GATA5: variants seen among roughly 807,000 people sequenced by gnomAD.
GATA5 encodes GATA binding protein 5, also known as transcription factor GATA-5.
GATA5 carries 27 observed loss-of-function variants against 35.0 expected under a neutral mutation model. The observed-to-expected ratio is 0.77, with a 90% CI of 0.57 to 1.06. The LOEUF is 1.06. Ranked by LOEUF, GATA5 falls within the 50% of genes least tolerant of loss-of-function variation. The pLI, the probability that GATA5 is intolerant of heterozygous loss-of-function variation, is 0.00. For synonymous variants in GATA5, 306 were observed against 267.8 expected (o/e 1.14, Z -1.39); for missense variants, 612 against 580.0 (o/e 1.06, Z -0.57).
intron 3 of GATA5, 145 bp from the exon 4 acceptor site, chr20:62,466,696 C>A: frequency 1.1e-6 from 1 of 910,504 alleles, no homozygotes; most frequent in Non-Finnish European, 1.6e-6. Flanking sequence ...CGCCTGGCAG[C>A]TCTGCCTGGA....
In GATA5 at chr20:62,470,519, G is replaced by A. The variant is rs994944567; in HGVS notation, c.699+2884C>T. 2.6e-5 allele frequency among the ~76,000 whole-genome samples: 4 copies of A among 152,188 alleles called. No individual in the cohort carries two copies. The highest frequency in any genetic ancestry group is 1.9e-4 in the East Asian group (1 of 5,192). On this transcript the variant is annotated intron_variant, in intron 3 of 6. Transcript: ENST00000252997. The surrounding 1 kb of genome is among the most constrained non-coding windows in gnomAD (Gnocchi z 4.6). Reference sequence around the variant, plus strand: ...GCCGAGGACAAACTGACTTGGGGACGTGGGTCTGTGAAGGGCTCGAAGGAA... The same window carrying A: ...GCCGAGGACAAACTGACTTGGGGACATGGGTCTGTGAAGGGCTCGAAGGAA...
intron 3 of GATA5, among the ~76,000 whole-genome samples, chr20:62,469,834 G>C (rs963779710): frequency 2.0e-5 from 3 of 152,212 alleles, no homozygotes; most frequent in Admixed American, 2.0e-4. Context: ...GAGGAGCTGC[G>C]GGACCAGAGG....
At position 62,466,545 on chromosome 20, in the gene GATA5, A is replaced by C; in HGVS notation, c.706T>G (p.Ser236Ala). The C allele has an allele frequency of 6.4e-7, 1 of 1,551,170 alleles. No homozygotes were observed. Among genetic ancestry groups the C allele is most frequent in the South Asian group, 1.2e-5 (1 of 84,256 alleles). ...LVRPQKRLSSSRRAGLCCTNC... is the reference protein window; with the variant it reads ...LVRPQKRLSSARRAGLCCTNC... ...GTGCAGCAGAGGCCGGCGCGGCGGG[A>C]CGAGGACTGTGGGGGCGAGGGAGAC... Residue 236 changes from serine (S) to alanine (A), a missense_variant, in exon 4 of 7, where the codon TCC (serine) becomes GCC (alanine). Physicochemically the swap from Ser to Ala is moderately conservative, Grantham distance 99. Coordinates refer to ENST00000252997, the MANE Select transcript of GATA5 (RefSeq NM_080473.5).
chr20:62,464,612 T>C lies in GATA5; in HGVS notation c.*224A>G. 2.3e-6 allele frequency: 1 copy of C among 437,940 alleles called. No homozygotes were observed. The highest frequency in any genetic ancestry group is 4.0e-6 in the Non-Finnish European group (1 of 250,010). 27.1% of individuals were successfully genotyped at this position (437,940 alleles called of 1,614,324 possible). ...CACCTGGGGAGTCCCTTGCTGTACG[T>C]GGGGTGGGAAGCTGAGCCCTTCCCT... is the stretch of plus-strand genomic sequence containing the variant. On this transcript the variant is annotated 3_prime_UTR_variant, in exon 7 of 7. Coordinates refer to ENST00000252997, the MANE Select transcript of GATA5 (RefSeq NM_080473.5).
intron 3 of GATA5, among the ~76,000 whole-genome samples, chr20:62,472,089 C>T (rs1555896626): frequency 6.6e-6 from 1 of 152,080 alleles, no homozygotes; most frequent in African/African-American, 2.4e-5. Flanking sequence ...TCAGTGAGGG[C>T]CACGTGGACG....
At chr20:62,469,453 C>T (rs1989670836) in intron 3 of GATA5, among the ~76,000 whole-genome samples, 1 of 152,234 alleles carries the variant, frequency 6.6e-6, no homozygotes. Context: ...GCCATCACCC[C>T]TTAGCACACA....
chr20:62,466,537 G>A lies in GATA5; in HGVS notation c.714C>T (p.Arg238=), dbSNP rs1452062094. 1.9e-6 allele frequency: 3 copies of A among 1,553,040 alleles called. No homozygotes were observed. The highest frequency in any genetic ancestry group is 2.7e-5 in the African/African-American group (2 of 73,384). The change falls in exon 4 of 7, where the codon CGC becomes CGT. Residue 238 remains arginine, a synonymous_variant. Transcript: ENST00000252997. ...RPQKRLSSSR[R]AGLCCTNCHT... ...GGCAGTTGGTGCAGCAGAGGCCGGC[G>A]CGGCGGGACGAGGACTGTGGGGGCG...
At chr20:62,467,731 GC>G (rs1323704464) in intron 3 of GATA5, among the ~76,000 whole-genome samples, 1 of 152,226 alleles carries the variant, frequency 6.6e-6, no homozygotes, top group Admixed American at 6.5e-5. Flanking sequence ...ATGAGAATGG[GC>G]CCCCCACACT....
Position 62,470,274 on chromosome 20 carries a change from C to T in GATA5, c.699+3129G>A, listed in dbSNP as rs539332917. Among the ~76,000 whole-genome samples the T allele has an allele frequency of 8.5e-4, 130 of 152,270 alleles. No individual in the cohort carries two copies. The highest frequency in any genetic ancestry group is 6.2e-3 in the South Asian group (30 of 4,826). ...GCTTGGAGGGATGAAGCGCACACGCCGGGAAACACTTTGGAGTAAAGGTGC... is the reference window on the plus strand; with the variant it reads ...GCTTGGAGGGATGAAGCGCACACGCTGGGAAACACTTTGGAGTAAAGGTGC... On this transcript the variant is annotated intron_variant, in intron 3 of 6. Coordinates refer to ENST00000252997, the MANE Select transcript of GATA5 (RefSeq NM_080473.5). This position sits in a 1 kb window ranked among gnomAD's most constrained non-coding sequence, Gnocchi z 4.6.
chr20:62,473,500 C>CGCCA lies in GATA5; in HGVS notation c.598_601dup (p.Arg201LeufsTer122). 1 of 1,609,646 alleles carries CGCCA rather than the reference C, an allele frequency of 6.2e-7. No homozygotes were observed. The highest frequency in any genetic ancestry group is 8.5e-7 in the Non-Finnish European group (1 of 1,178,534). Reference sequence around the variant, plus strand: ...CAGGTAGTGGCCGGTGCCGTCTCGGCGCCACAGCGGTGTGGACAGGGCCCC... The same window carrying CGCCA: ...CAGGTAGTGGCCGGTGCCGTCTCGGCGCCAGCCACAGCGGTGTGGACAGGGCCCC... On this transcript the variant is annotated frameshift_variant, in exon 3 of 7. Coordinates refer to ENST00000252997, the MANE Select transcript of GATA5 (RefSeq NM_080473.5). LOFTEE classifies it high-confidence loss of function.
intron 3 of GATA5, among the ~76,000 whole-genome samples, chr20:62,466,947 A>G (rs4073469): frequency 0.64 from 96,607 of 152,134 alleles, 30,941 homozygotes; most frequent in Middle Eastern, 0.7. Flanking sequence ...CCGGAGGCCA[A>G]GACACAACAA....
Position 62,465,890 on chromosome 20 carries a change from C to G in GATA5, c.857G>C (p.Ser286Thr), listed in dbSNP as rs1555896035. Residue 286 changes from serine (S) to threonine (T), a missense_variant, in exon 5 of 7, where the codon AGC (serine) becomes ACC (threonine). Transcript: ENST00000252997. Reference protein sequence around the residue: ...VPRPLAMKKESIQTRKRKPKT... With the variant: ...VPRPLAMKKETIQTRKRKPKT... ...TGGCTTCCGCTTCCGTGTCTGGATG[C>G]TTTCCTTCTTCATAGCCAGAGGCCG... The G allele has an allele frequency of 4.4e-6, 7 of 1,598,786 alleles. No homozygotes were observed. In the Admixed American group the frequency reaches 6.9e-5, roughly 16 times the overall value.
chr20:62,465,781 C>A (rs1989569103), intron 5 of GATA5, 53 bp downstream of exon 5: 1 of 1,352,382 alleles, frequency 7.4e-7, no homozygotes, highest in Admixed American at 2.0e-5. Context: ...GAACTGGAGG[C>A]ACCGAAGGCC....
intron 2 of GATA5, among the ~76,000 whole-genome samples, chr20:62,474,188 G>A (rs1989793221): frequency 6.6e-6 from 1 of 152,234 alleles, no homozygotes; most frequent in Non-Finnish European, 1.5e-5. Context: ...CCCTGGGGCC[G>A]GGCTTCGCAC....
rs571501911 is a variant in GATA5, at chr20:62,465,797, G to A, written c.913+37C>T. The A allele has an allele frequency of 1.9e-5, 29 of 1,499,526 alleles. No individual in the cohort carries two copies. The African/African-American group carries it at 2.5e-4, about 13-fold the overall frequency. 92.9% of individuals were successfully genotyped at this position (1,499,526 alleles called of 1,614,324 possible). A position where few individuals can be genotyped will look rare whatever the true frequency, so the allele number is the denominator to read the frequency against. ...AACTGGAGGCACCGAAGGCCACTCC[G>A]CAGGAGCGGGGCTGACTGCAGGGCC... On this transcript the variant is annotated intron_variant, in intron 5 of 6. Transcript: ENST00000252997.
At chr20:62,465,722 G>T (rs1989568176) in intron 5 of GATA5, 112 bp downstream of exon 5, 2 of 953,754 alleles carry the variant, frequency 2.1e-6, no homozygotes, top group Non-Finnish European at 3.2e-6. Flanking sequence ...GGGGCATTTG[G>T]ACTTCCAGAG....
In GATA5 at chr20:62,475,077, C is replaced by A; in HGVS notation, c.445G>T (p.Asp149Tyr). The change falls in exon 2 of 7, where the codon GAC becomes TAC. Residue 149 changes from aspartate to tyrosine, a missense_variant. Physicochemically the swap from Asp to Tyr is radical, Grantham distance 160. Coordinates refer to ENST00000252997, the MANE Select transcript of GATA5 (RefSeq NM_080473.5). Reference sequence around the variant, plus strand: ...CCGGCAGTCCAGGACTGGGCCACGTCGGGGCTCACGTAGGCCGGGTAGGTG... The same window carrying A: ...CCGGCAGTCCAGGACTGGGCCACGTAGGGGCTCACGTAGGCCGGGTAGGTG... ...SATYPAYVSP[D>Y]VAQSWTAGPF... The A allele has an allele frequency of 2.1e-6, 3 of 1,408,900 alleles. No homozygotes were observed. Among genetic ancestry groups the A allele is most frequent in the Non-Finnish European group, 2.8e-6 (3 of 1,077,772 alleles). The allele number at this position is 1,408,900 out of a possible 1,614,324, so 87.3% of individuals were successfully genotyped here.
At chr20:62,473,599 T>C (rs1555896803) in intron 2 of GATA5, 21 bp from the exon 3 acceptor site, 3 of 1,566,750 alleles carry the variant, frequency 1.9e-6, no homozygotes. Flanking sequence ...AGGCAGCTGG[T>C]GGGCCCGGGC....
chr20:62,466,053 G>A (rs2146480845), intron 4 of GATA5, 132 bp from the exon 5 acceptor site: 5 of 687,586 alleles, frequency 7.3e-6, no homozygotes, highest in Non-Finnish European at 1.3e-5. Context: ...AGCCCTGGTG[G>A]GTCAGCTGCC....
Sources: gnomAD v4.1 joint callset for allele counts (sites outside exome capture counted in the v4.1 genomes callset) on GRCh38, gnomAD v4.1.1 for gene constraint, Gnocchi (gnomAD v3.1) non-coding constraint, MANE v1.5 for transcripts, NCBI Gene and HGNC (gene_info 2026-07-23, HGNC 2026-07-21) for gene names.